Variants in PTPRZ1 observed in about 807,000 individuals in gnomAD.
PTPRZ1 encodes the protein receptor-type tyrosine-protein phosphatase zeta.
In PTPRZ1, 82 loss-of-function variants were observed where a neutral mutation model predicts 214.1. The ratio of observed to expected loss-of-function variants is 0.38; its 90% confidence interval spans 0.32 to 0.46. PTPRZ1 has a LOEUF of 0.46. PTPRZ1 is among the 20% of genes least tolerant of loss of function. PTPRZ1 has a pLI of 1.00. For missense variants in PTPRZ1, 2,603 were observed against 2,748.7 expected, an observed-to-expected ratio of 0.95 and a Z score of 1.19; for synonymous variants, 945 against 987.9, an observed-to-expected ratio of 0.96 and a Z score of 0.81.
chr7:121,933,481 A>C (rs1795984926), intron 2 of PTPRZ1, among the ~76,000 whole-genome samples: 1 of 152,116 alleles, frequency 6.6e-6, no homozygotes, highest in African/African-American at 2.4e-5. Context: ...ACACCTTTAA[A>C]ATTTTAGTTA....
chr7:122,008,284 G>A (rs1320647030), intron 11 of PTPRZ1, among the ~76,000 whole-genome samples: 1 of 152,066 alleles, frequency 6.6e-6, no homozygotes, highest in Non-Finnish European at 1.5e-5. Flanking sequence ...AAGGAGAGAC[G>A]AGAAGTAGAA....
chr7:121,976,122 A>G, intron 4 of PTPRZ1, 51 bp from the exon 5 acceptor site: 2 of 1,261,152 alleles, frequency 1.6e-6, no homozygotes, highest in South Asian at 2.8e-5. Context: ...CTCTTTGCTG[A>G]TTTTTATGAA....
intron 6 of PTPRZ1, among the ~76,000 whole-genome samples, chr7:121,979,078 A>T: frequency 6.6e-6 from 1 of 152,238 alleles, no homozygotes; most frequent in Non-Finnish European, 1.5e-5. Flanking sequence ...ATTAAAAAAA[A>T]AAACACCTTT....
chr7:122,023,861 A>G (rs1403467920), intron 13 of PTPRZ1, among the ~76,000 whole-genome samples: 2 of 137,968 alleles, frequency 1.4e-5, no homozygotes, highest in African/African-American at 2.7e-5. Flanking sequence ...AAAAAAAAAA[A>G]AGATTGTAGC....
At chr7:121,920,824 A>G (rs1025354383) in intron 1 of PTPRZ1, among the ~76,000 whole-genome samples, 1 of 152,162 alleles carries the variant, frequency 6.6e-6, no homozygotes, top group African/African-American at 2.4e-5. Flanking sequence ...CAAAAAGTAG[A>G]GAATGCTTTA....
chr7:121,972,780 C>A, intron 4 of PTPRZ1, 88 bp downstream of exon 4: 1 of 1,074,652 alleles, frequency 9.3e-7, no homozygotes. Context: ...TTTTAAAATC[C>A]AATATTAAAA....
At position 122,012,963 on chromosome 7, in the gene PTPRZ1, C is replaced by G. The variant is rs538198950; in HGVS notation, c.3917C>G (p.Pro1306Arg). The G allele has an allele frequency of 6.2e-7, 1 of 1,613,940 alleles. No homozygotes were observed. Among genetic ancestry groups the G allele is most frequent in the Non-Finnish European group, 8.5e-7 (1 of 1,179,958 alleles). Residue 1306 changes from proline to arginine, a missense_variant, in exon 12 of 30, where the codon CCA becomes CGA. By Grantham distance (103) the Pro-to-Arg change is moderately radical. Transcript: ENST00000393386. Reference protein sequence around the residue: ...ANLEINQAHPPKGRHVFATPV... With the variant: ...ANLEINQAHPRKGRHVFATPV... The stretch of plus-strand genomic sequence containing the variant: ...TTGGAGATTAACCAGGCCCATCCCC[C>G]AAAAGGAAGGCATGTATTTGCTACA...
Position 122,011,346 on chromosome 7 carries a change from T to C in PTPRZ1, c.2300T>C (p.Val767Ala). The change falls in exon 12 of 30, where the codon GTC becomes GCC. Residue 767 changes from valine to alanine, a missense_variant. Val to Ala is a moderately conservative substitution (Grantham distance 64). Transcript: ENST00000393386. ...CTTCAACCTTCCTACAGTAGTGAAG[T>C]CTTTCCTCTAGTCACCCCTTTGTTG... ...TPLQPSYSSEVFPLVTPLLLD... is the reference protein window; with the variant it reads ...TPLQPSYSSEAFPLVTPLLLD... 1 of 1,614,110 alleles carries C rather than the reference T, an allele frequency of 6.2e-7. No individual in the cohort carries two copies. Among genetic ancestry groups the C allele is most frequent in the Non-Finnish European group, 8.5e-7 (1 of 1,180,004 alleles).
At chr7:121,925,072 G>A (rs1448363119) in intron 1 of PTPRZ1, among the ~76,000 whole-genome samples, 3 of 152,164 alleles carry the variant, frequency 2.0e-5, no homozygotes, top group Non-Finnish European at 4.4e-5. Flanking sequence ...ATTGAGGGAG[G>A]ATAAATGAAG....
intron 1 of PTPRZ1, among the ~76,000 whole-genome samples, chr7:121,885,900 A>G (rs1321962520): frequency 2.6e-5 from 4 of 152,174 alleles, no homozygotes; most frequent in Non-Finnish European, 5.9e-5. Context: ...GCAAGCAAAG[A>G]TCAAATATTC....
intron 2 of PTPRZ1, among the ~76,000 whole-genome samples, chr7:121,953,338 C>T (rs528630724): frequency 2.6e-5 from 4 of 152,292 alleles, no homozygotes; most frequent in South Asian, 2.1e-4. Flanking sequence ...GTCTATCAAA[C>T]TTTCACTTGG....
chr7:122,010,917 C>A lies in PTPRZ1; in HGVS notation c.1871C>A (p.Pro624Gln). ...PETITYDVLI[P>Q]ESARNASEDS... ...ACAATAACATATGATGTCCTTATAC[C>A]AGAATCTGCTAGAAATGCTTCCGAA... Residue 624 changes from proline (P) to glutamine (Q), a missense_variant, in exon 12 of 30, where the codon CCA becomes CAA. Physicochemically the swap from Pro to Gln is moderately conservative, Grantham distance 76. Coordinates refer to ENST00000393386, the MANE Select transcript of PTPRZ1 (RefSeq NM_002851.3). The A allele has an allele frequency of 6.2e-7, 1 of 1,614,022 alleles. No individual in the cohort carries two copies. The highest frequency in any genetic ancestry group is 8.5e-7 in the Non-Finnish European group (1 of 1,179,976).
At chr7:121,983,523 T>C (rs887202337) in intron 6 of PTPRZ1, 142 bp from the exon 7 acceptor site, 2 of 828,780 alleles carry the variant, frequency 2.4e-6, no homozygotes, top group African/African-American at 1.7e-5. Context: ...TTTATTACCA[T>C]TTAAAAATAT....
intron 6 of PTPRZ1, among the ~76,000 whole-genome samples, chr7:121,981,084 A>C (rs1489179578): frequency 2.0e-5 from 3 of 151,606 alleles, no homozygotes; most frequent in East Asian, 3.9e-4. Context: ...CGGAGCCTGC[A>C]GTGAGCCGAG....
intron 13 of PTPRZ1, among the ~76,000 whole-genome samples, chr7:122,022,954 A>T (rs1471207243): frequency 2.0e-5 from 3 of 152,180 alleles, no homozygotes; most frequent in Non-Finnish European, 4.4e-5. Flanking sequence ...GGATCCAAAG[A>T]CTTTTCAATG....
At chr7:122,059,480 T>A in intron 28 of PTPRZ1, 1 of 286,672 alleles carries the variant, frequency 3.5e-6, no homozygotes, top group Non-Finnish European at 6.5e-6. Context: ...TCAGGTTTTT[T>A]TTATTATTGC....
At chr7:122,055,522 G>A (rs1792320779) in intron 27 of PTPRZ1, among the ~76,000 whole-genome samples, 1 of 151,826 alleles carries the variant, frequency 6.6e-6, no homozygotes, top group Non-Finnish European at 1.5e-5. Flanking sequence ...CTCTACCAAT[G>A]TAGAAAGTTG....
chr7:122,041,515 T>TTGTTAAA (rs1799733819), intron 21 of PTPRZ1, among the ~76,000 whole-genome samples: 1 of 152,250 alleles, frequency 6.6e-6, no homozygotes, highest in Admixed American at 6.5e-5. Context: ...GAATGTATTG[T>TTGTTAAA]CAATTCATTG....
intron 29 of PTPRZ1, 94 bp from the exon 30 acceptor site, chr7:122,060,986 A>T: frequency 8.2e-7 from 1 of 1,223,054 alleles, no homozygotes; most frequent in Non-Finnish European, 1.1e-6. Flanking sequence ...TTTCATGAAC[A>T]GTGCTGAAGT....
Sources: gnomAD v4.1 joint callset for allele counts (sites outside exome capture counted in the v4.1 genomes callset) on GRCh38, gnomAD v4.1.1 for gene constraint, MANE v1.5 for transcripts, NCBI Gene and HGNC (gene_info 2026-07-23, HGNC 2026-07-21) for gene names.